PIEZO2: variants seen among roughly 807,000 people sequenced by gnomAD.
PIEZO2 encodes piezo-type mechanosensitive ion channel component 2.
In PIEZO2, 172 loss-of-function variants were observed where a neutral mutation model predicts 337.3. That is an observed-to-expected ratio of 0.51 (90% CI 0.45 to 0.58). The LOEUF (loss-of-function observed/expected upper bound fraction) is 0.58, where lower values mean the gene tolerates loss of function less well. Ranked by LOEUF, PIEZO2 falls within the 20% of genes least tolerant of loss-of-function variation. The probability of loss-of-function intolerance (pLI) is 0.00; values close to 1 mark genes in which losing one functional copy is unlikely to be tolerated. For missense variants in PIEZO2, 3,028 were observed against 3,391.3 expected, an observed-to-expected ratio of 0.89 and a Z score of 2.66; for synonymous variants, 1,251 against 1,228.5, an observed-to-expected ratio of 1.02 and a Z score of -0.38.
chr18:11,142,905 C>T (rs1033863487), intron 1 of PIEZO2, among the ~76,000 whole-genome samples: 3 of 151,854 alleles, frequency 2.0e-5, no homozygotes, highest in Non-Finnish European at 2.9e-5. Flanking sequence ...GGTGAAACCC[C>T]GTCGCTACTA....
At position 10,855,362 on chromosome 18, in the gene PIEZO2, T is replaced by C. The variant is rs1301286483; in HGVS notation, c.908A>G (p.Tyr303Cys). Residue 303 changes from tyrosine (Y) to cysteine (C), a missense_variant, in exon 7 of 56, where the codon TAC (tyrosine) becomes TGC (cysteine). Tyr to Cys is a radical substitution (Grantham distance 194). This residue lies in a region of PIEZO2 where 542 missense variants were observed against 605.6 expected (regional missense o/e 0.89). Coordinates refer to ENST00000674853, the MANE Select transcript of PIEZO2 (RefSeq NM_001378183.1). The surrounding 1 kb of genome is among the most constrained non-coding windows in gnomAD (Gnocchi z 4.9). ...FFQEAVPPND[Y>C]YARLFGIKSV... is the part of the protein sequence containing the mutation. ...TAAGGATTTCTCTTACCTTGCATAG[T>C]AGTCATTGGGTGGAACTGCCTCTTG... The C allele has an allele frequency of 4.6e-6, 7 of 1,533,126 alleles. No individual in the cohort carries two copies. The highest frequency in any genetic ancestry group is 1.2e-5 in the South Asian group (1 of 83,978). 95.0% of individuals were successfully genotyped at this position (1,533,126 alleles called of 1,614,324 possible).
intron 2 of PIEZO2, among the ~76,000 whole-genome samples, chr18:10,984,814 A>C (rs531542798): frequency 6.6e-5 from 10 of 152,268 alleles, no homozygotes; most frequent in African/African-American, 2.4e-4. Context: ...TCAAATTCTA[A>C]AACAAAGAAT....
intron 3 of PIEZO2, among the ~76,000 whole-genome samples, chr18:10,931,678 TCTCA>T (rs2032092470): frequency 1.3e-5 from 2 of 149,406 alleles, no homozygotes; most frequent in African/African-American, 5.0e-5. Context: ...CCTCTCATTC[TCTCA>T]CTCTTTCTCT....
chr18:11,022,416 A>G (rs1010295456), intron 2 of PIEZO2, among the ~76,000 whole-genome samples: 2 of 152,260 alleles, frequency 1.3e-5, no homozygotes, highest in Admixed American at 6.5e-5. Flanking sequence ...AAAGCACTGC[A>G]GACTGGGAGG....
At chr18:10,964,915 T>C (rs766047952) in intron 3 of PIEZO2, among the ~76,000 whole-genome samples, 13 of 152,242 alleles carry the variant, frequency 8.5e-5, no homozygotes, top group Non-Finnish European at 1.6e-4. Context: ...CTCTATGTTA[T>C]AGCATTTGCC....
At chr18:10,823,288 A>T (rs541143901) in intron 7 of PIEZO2, among the ~76,000 whole-genome samples, 1 of 152,254 alleles carries the variant, frequency 6.6e-6, no homozygotes, top group South Asian at 2.1e-4. Context: ...AAAGTAGGAA[A>T]TTTTCTCTTA....
chr18:10,864,368 AG>A lies in PIEZO2; in HGVS notation c.492+6884del, dbSNP rs559220658. Among the ~76,000 whole-genome samples, 209 of 152,326 alleles carry A rather than the reference AG, an allele frequency of 1.4e-3. 2 individuals are homozygous for A. Among genetic ancestry groups the A allele is most frequent in the African/African-American group, 4.1e-3 (169 of 41,564 alleles). On this transcript the variant is annotated intron_variant, in intron 5 of 55. Transcript: ENST00000674853. Reference sequence around the variant, plus strand: ...TTCTGAGGGACCCCAGTAGTCACTCAGGGAAGATATAACTACTTATAAATTG... The same window carrying A: ...TTCTGAGGGACCCCAGTAGTCACTCAGGAAGATATAACTACTTATAAATTG...
At chr18:11,122,565 A>G (rs1173455697) in intron 1 of PIEZO2, among the ~76,000 whole-genome samples, 1 of 152,242 alleles carries the variant, frequency 6.6e-6, no homozygotes, top group Non-Finnish European at 1.5e-5. Flanking sequence ...TAGTAGCAAT[A>G]ATGCATAGAA....
intron 3 of PIEZO2, among the ~76,000 whole-genome samples, chr18:10,955,099 T>TG (rs1462112924): frequency 6.6e-6 from 1 of 152,034 alleles, no homozygotes; most frequent in Non-Finnish European, 1.5e-5. Context: ...GAGAGAGATG[T>TG]GGGGGTCGCT....
In PIEZO2 at chr18:10,705,511, G is replaced by A. The variant is rs2035542805; in HGVS notation, c.5824C>T (p.Pro1942Ser). 4 of 1,537,248 alleles carry A rather than the reference G, an allele frequency of 2.6e-6. No homozygotes were observed. Among genetic ancestry groups the A allele is most frequent in the Admixed American group, 2.0e-5 (1 of 51,002 alleles). Residue 1942 changes from proline to serine, a missense_variant, in exon 41 of 56, where the codon CCC becomes TCC. By Grantham distance (74) the Pro-to-Ser change is moderately conservative (BLOSUM62 -1). This residue lies in a region of PIEZO2 where 1,925 missense variants were observed against 2,051.9 expected (regional missense o/e 0.94). Transcript: ENST00000674853. ...STLDGDVEAP[P>S]SYSKAVSFEH... ...AAGCTCACAGCCTTGCTGTAGGAGG[G>A]TGGGGCCTCCACATCCCCGTCCAAG...
rs1046380984 is a variant in PIEZO2 at position 10,713,351 on chromosome 18, T to C, written c.5423+1413A>G. Among the ~76,000 whole-genome samples the C allele has an allele frequency of 6.6e-6, 1 of 152,086 alleles. No individual in the cohort carries two copies. The highest frequency in any genetic ancestry group is 1.5e-5 in the Non-Finnish European group (1 of 68,004). ...AATTAGCACTTTAGGGCAAAACTTT[T>C]TGGTTTTTTTTTTACCCACATTCCT... On this transcript the variant is annotated intron_variant, in intron 39 of 55. Transcript: ENST00000674853. The surrounding 1 kb of genome is among the most constrained non-coding windows in gnomAD (Gnocchi z 4.5).
At chr18:10,932,807 C>G (rs2032168294) in intron 3 of PIEZO2, among the ~76,000 whole-genome samples, 1 of 151,914 alleles carries the variant, frequency 6.6e-6, no homozygotes, top group Non-Finnish European at 1.5e-5. Flanking sequence ...GCCTGTCATC[C>G]CAGCCACTCT....
intron 2 of PIEZO2, among the ~76,000 whole-genome samples, chr18:11,030,123 C>G (rs931411433): frequency 2.0e-5 from 3 of 152,086 alleles, no homozygotes; most frequent in Non-Finnish European, 4.4e-5. Context: ...GACAAGCTAC[C>G]ATCCTCATTC....
intron 1 of PIEZO2, among the ~76,000 whole-genome samples, chr18:11,074,326 T>C (rs982457246): frequency 6.6e-6 from 1 of 152,212 alleles, no homozygotes; most frequent in Non-Finnish European, 1.5e-5. Context: ...AGCAACAATG[T>C]TACCGTTGAC....
At chr18:10,919,634 C>T (rs889482922) in intron 3 of PIEZO2, among the ~76,000 whole-genome samples, 10 of 152,148 alleles carry the variant, frequency 6.6e-5, no homozygotes, top group African/African-American at 2.4e-4. Context: ...ATGGAGGGTA[C>T]TGCAACACCT....
chr18:10,847,315 T>G lies in PIEZO2; in HGVS notation c.917+8038A>C, dbSNP rs2041396895. Among the ~76,000 whole-genome samples the G allele has an allele frequency of 6.6e-6, 1 of 152,176 alleles. No individual in the cohort carries two copies. The highest frequency in any genetic ancestry group is 1.5e-5 in the Non-Finnish European group (1 of 68,030). ...ACTGAGTCTGGCTAACTGTGGGGAA[T>G]TCTAGGTGCCCACAGAGGCATCTTC... is the stretch of plus-strand genomic sequence containing the variant. On this transcript the variant is annotated intron_variant, in intron 7 of 55. Transcript: ENST00000674853. This position sits in a 1 kb window ranked among gnomAD's most constrained non-coding sequence, Gnocchi z 5.7.
In PIEZO2 at chr18:10,954,556, T is replaced by C. The variant is rs2033437841; in HGVS notation, c.286+24979A>G. On this transcript the variant is annotated intron_variant, in intron 3 of 55. Transcript: ENST00000674853. This position sits in a 1 kb window ranked among gnomAD's most constrained non-coding sequence, Gnocchi z 4.2. ...CTACATTGATGGTGTCTCTGCATAT[T>C]TATGTGGGTAAGGGAATCCTTCATA... 2.6e-5 allele frequency among the ~76,000 whole-genome samples: 4 copies of C among 152,192 alleles called. No homozygotes were observed. The South Asian group carries it at 8.3e-4, about 32-fold the overall frequency.
intron 3 of PIEZO2, among the ~76,000 whole-genome samples, chr18:10,957,850 C>T (rs760653564): frequency 1.3e-5 from 2 of 152,048 alleles, no homozygotes; most frequent in East Asian, 1.9e-4. Context: ...TAAAAACGGG[C>T]GAAGAATCTG....
chr18:10,939,095 G>C (rs2032571810), intron 3 of PIEZO2, among the ~76,000 whole-genome samples: 1 of 151,746 alleles, frequency 6.6e-6, no homozygotes, highest in African/African-American at 2.4e-5. Flanking sequence ...AAAAATGTAA[G>C]TTTACATTCT....
Sources: allele counts gnomAD v4.1 joint callset (sites outside exome capture counted in the v4.1 genomes callset), GRCh38; gene constraint gnomAD v4.1.1; regional missense constraint gnomAD v4.1.1; non-coding constraint Gnocchi (gnomAD v3.1); transcripts MANE v1.5; gene names NCBI Gene and HGNC (gene_info 2026-07-23, HGNC 2026-07-21).